CD300LB: variants seen among roughly 807,000 people sequenced by gnomAD.
CD300LB encodes CD300 molecule like family member b.
CD300LB carries 18 observed loss-of-function variants against 20.8 expected under a neutral mutation model. That is an observed-to-expected ratio of 0.87 (90% CI 0.60 to 1.28). The LOEUF is 1.28. CD300LB is among the 50% of genes most tolerant of loss of function. The pLI, the probability that CD300LB is intolerant of heterozygous loss-of-function variation, is 0.00. For missense variants in CD300LB, 222 were observed against 251.8 expected, an observed-to-expected ratio of 0.88 and a Z score of 0.80; for synonymous variants, 91 against 91.3, an observed-to-expected ratio of 1.00 and a Z score of 0.02.
intron 3 of CD300LB, 71 bp from the exon 4 acceptor site, chr17:74,522,971 G>A: frequency 6.9e-7 from 1 of 1,448,306 alleles, no homozygotes; most frequent in Non-Finnish European, 9.4e-7. Flanking sequence ...CCCTGACCCT[G>A]TGAGCCACCA....
Position 74,522,247 on chromosome 17 carries a change from G to A in CD300LB, c.*491C>T. On this transcript the variant is annotated 3_prime_UTR_variant, in exon 4 of 4. Coordinates refer to ENST00000392621, the MANE Select transcript of CD300LB (RefSeq NM_174892.4). ...CATCCCAGAATCACCCTCCTTGTGTGTGGGATCAGAGAGGTTTCCTATGAA... is the reference window on the plus strand; with the variant it reads ...CATCCCAGAATCACCCTCCTTGTGTATGGGATCAGAGAGGTTTCCTATGAA... 2 of 986,380 alleles carry A rather than the reference G, an allele frequency of 2.0e-6. No individual in the cohort carries two copies. Among genetic ancestry groups the A allele is most frequent in the Non-Finnish European group, 2.4e-6 (2 of 830,456 alleles). 61.1% of individuals were successfully genotyped at this position (986,380 alleles called of 1,614,324 possible).
chr17:74,521,854 CA>C lies in CD300LB; in HGVS notation c.*883del. 1.0e-6 allele frequency: 1 copy of C among 985,502 alleles called. No individual in the cohort carries two copies. Among genetic ancestry groups the C allele is most frequent in the Non-Finnish European group, 1.2e-6 (1 of 829,960 alleles). The allele number at this position is 985,502 out of a possible 1,614,324, so 61.0% of individuals were successfully genotyped here. A position where few individuals can be genotyped will look rare whatever the true frequency, so the allele number is the denominator to read the frequency against. ...GGTGAAGCCTGTGAGGAGACAGAAC[CA>C]CTTCCCTAGGACAGTTTTCATTAGT... is the stretch of plus-strand genomic sequence containing the variant. On this transcript the variant is annotated 3_prime_UTR_variant, in exon 4 of 4. Transcript: ENST00000392621.
chr17:74,529,247 C>T (rs1411917294), intron 1 of CD300LB, among the ~76,000 whole-genome samples: 2 of 152,138 alleles, frequency 1.3e-5, no homozygotes, highest in African/African-American at 2.4e-5. Flanking sequence ...TTCATCTGTG[C>T]CTGGATCATG....
In CD300LB at chr17:74,529,187, A is replaced by G. The variant is rs200153003; in HGVS notation, c.40+2124T>C. ...AAGACTTGGATGTATGTCCAACGCC[A>G]GACATTTGGGGTTTGCTCTGTCAGT... On this transcript the variant is annotated intron_variant, in intron 1 of 3. Coordinates refer to ENST00000392621, the MANE Select transcript of CD300LB (RefSeq NM_174892.4). Among the ~76,000 whole-genome samples the G allele has an allele frequency of 5.9e-5, 9 of 152,266 alleles. No homozygotes were observed. In the East Asian group the frequency reaches 1.7e-3, roughly 29 times the overall value.
At chr17:74,527,835 T>C (rs1176965650) in intron 1 of CD300LB, among the ~76,000 whole-genome samples, 2 of 152,176 alleles carry the variant, frequency 1.3e-5, no homozygotes, top group African/African-American at 4.8e-5. Context: ...TAACAGCCCA[T>C]GGCCTGTTAG....
At chr17:74,527,745 T>G (rs1192703756) in intron 1 of CD300LB, among the ~76,000 whole-genome samples, 3 of 152,200 alleles carry the variant, frequency 2.0e-5, no homozygotes, top group Non-Finnish European at 4.4e-5. Context: ...GGAAAGCAGA[T>G]GGCTTCTAGA....
chr17:74,528,987 A>T lies in CD300LB; in HGVS notation c.40+2324T>A, dbSNP rs935384436. 2.6e-5 allele frequency among the ~76,000 whole-genome samples: 4 copies of T among 152,082 alleles called. 1 individual carries two copies. In the East Asian group the frequency reaches 7.7e-4, roughly 29 times the overall value. On this transcript the variant is annotated intron_variant, in intron 1 of 3. Transcript: ENST00000392621. The stretch of plus-strand genomic sequence containing the variant: ...TGTCTGCAAATGCAAAAGATTAGCC[A>T]GGAGTGGTGGTGCATGCCTGTGGTC...
rs1265260873 is a variant in CD300LB at position 74,526,661 on chromosome 17, T to C, written c.41-584A>G. 1.2e-4 allele frequency among the ~76,000 whole-genome samples: 19 copies of C among 152,270 alleles called. No homozygotes were observed. The East Asian group carries it at 3.7e-3, about 29-fold the overall frequency. On this transcript the variant is annotated intron_variant, in intron 1 of 3. Transcript: ENST00000392621. ...CCGGGAGGCGGAGGTTGCAGTGAGC[T>C]GAGATCGCACCACTGCACTCCAGCC...
At position 74,525,858 on chromosome 17, in the gene CD300LB, A is replaced by G; in HGVS notation, c.260T>C (p.Phe87Ser). 6.2e-7 allele frequency: 1 copy of G among 1,614,074 alleles called. No individual in the cohort carries two copies. ...CCTGAGCCCCTCCATGGTCACAGTG[A>G]ACGTGCGGTCTTTCTGATTGTCCTT... Reference protein sequence around the residue: ...SIKDNQKDRTFTVTMEGLRRD... With the variant: ...SIKDNQKDRTSTVTMEGLRRD... The change falls in exon 2 of 4, where the codon TTC becomes TCC. Residue 87 changes from phenylalanine (F) to serine (S), a missense_variant. Phe to Ser is a radical substitution (Grantham distance 155). Transcript: ENST00000392621.
chr17:74,523,635 T>C lies in CD300LB; in HGVS notation c.387A>G (p.Thr129=), dbSNP rs751245293. 4 of 1,613,204 alleles carry C rather than the reference T, an allele frequency of 2.5e-6. No homozygotes were observed. The highest frequency in any genetic ancestry group is 8.5e-7 in the Non-Finnish European group (1 of 1,179,260). Residue 129 remains threonine, a synonymous_variant, in exon 3 of 4, where the codon ACA becomes ACG. Transcript: ENST00000392621. ...TGCTGTTGGTAGGTGAGCTTGCTGT[T>C]GTGGAAGCCGCTCCCTCTAGACACA... ...VIVDPEGAAS[T]TASSPTNSNM...
At chr17:74,528,212 G>A (rs1908093170) in intron 1 of CD300LB, among the ~76,000 whole-genome samples, 1 of 151,994 alleles carries the variant, frequency 6.6e-6, no homozygotes, top group Non-Finnish European at 1.5e-5. Flanking sequence ...TACAATAAGT[G>A]TAATGCGTTT....
chr17:74,525,335 G>A (rs939705176), intron 2 of CD300LB, among the ~76,000 whole-genome samples: 5 of 152,230 alleles, frequency 3.3e-5, no homozygotes, highest in African/African-American at 1.2e-4. Context: ...GACCTAGAGA[G>A]GAGGGTGTTG....
chr17:74,527,496 C>T (rs1908070751), intron 1 of CD300LB, among the ~76,000 whole-genome samples: 2 of 152,216 alleles, frequency 1.3e-5, no homozygotes, highest in Admixed American at 1.3e-4. Flanking sequence ...ACTTTGCATT[C>T]GTGGTTGGTA....
At position 74,525,856 on chromosome 17, in the gene CD300LB, T is replaced by G. The variant is rs755019741; in HGVS notation, c.262A>C (p.Thr88Pro). The G allele has an allele frequency of 6.2e-7, 1 of 1,614,152 alleles. No homozygotes were observed. The highest frequency in any genetic ancestry group is 8.5e-7 in the Non-Finnish European group (1 of 1,180,022). ...CGCCTGAGCCCCTCCATGGTCACAG[T>G]GAACGTGCGGTCTTTCTGATTGTCC... ...IKDNQKDRTF[T>P]VTMEGLRRDD... Residue 88 changes from threonine (T) to proline (P), a missense_variant, in exon 2 of 4, where the codon ACT (threonine) becomes CCT (proline). Physicochemically the swap from Thr to Pro is conservative, Grantham distance 38 (BLOSUM62 -1). Transcript: ENST00000392621.
chr17:74,529,044 C>T (rs942708436), intron 1 of CD300LB, among the ~76,000 whole-genome samples: 4 of 152,084 alleles, frequency 2.6e-5, no homozygotes, highest in African/African-American at 9.7e-5. Context: ...GTGGGAGGAT[C>T]GCCTGAGCCT....
rs1907946059 is a variant in CD300LB at position 74,523,574 on chromosome 17, C to T, written c.443+5G>A. On this transcript the variant is annotated splice_donor_5th_base_variant and intron_variant, in intron 3 of 3. Coordinates refer to ENST00000392621, the MANE Select transcript of CD300LB (RefSeq NM_174892.4). The stretch of plus-strand genomic sequence containing the variant: ...AGGGGCAGGAGAAAGAACCACATGA[C>T]TCACCTCTTGTGGGAGCCGATGAAC... 6.2e-7 allele frequency: 1 copy of T among 1,604,468 alleles called. No individual in the cohort carries two copies. The highest frequency in any genetic ancestry group is 2.2e-5 in the East Asian group (1 of 44,844).
chr17:74,531,439 T>C lies in CD300LB; in HGVS notation c.-89A>G, dbSNP rs752084079. ...TGCACTCTGGAAGTTCTGCCTGAGCTCTGGCTTGCACCTTCTGCACATCTA... is the reference window on the plus strand; with the variant it reads ...TGCACTCTGGAAGTTCTGCCTGAGCCCTGGCTTGCACCTTCTGCACATCTA... On this transcript the variant is annotated 5_prime_UTR_variant, in exon 1 of 4. Coordinates refer to ENST00000392621, the MANE Select transcript of CD300LB (RefSeq NM_174892.4). The C allele has an allele frequency of 1.2e-6, 2 of 1,606,980 alleles. No homozygotes were observed. Among genetic ancestry groups the C allele is most frequent in the African/African-American group, 2.7e-5 (2 of 74,588 alleles).
chr17:74,529,398 A>C (rs1205948232), intron 1 of CD300LB, among the ~76,000 whole-genome samples: 1 of 152,080 alleles, frequency 6.6e-6, no homozygotes, highest in African/African-American at 2.4e-5. Context: ...TGTCCTGCAC[A>C]CTGACAGCTC....
intron 1 of CD300LB, among the ~76,000 whole-genome samples, chr17:74,530,407 G>A (rs1406877834): frequency 1.3e-5 from 2 of 152,050 alleles, no homozygotes; most frequent in Non-Finnish European, 1.5e-5. Flanking sequence ...TGAGCCTGGC[G>A]TGGATGGCCT....
Sources: allele counts gnomAD v4.1 joint callset (sites outside exome capture counted in the v4.1 genomes callset), GRCh38; gene constraint gnomAD v4.1.1; transcripts MANE v1.5; gene names NCBI Gene and HGNC (gene_info 2026-07-23, HGNC 2026-07-21).